The following CNTN5 variants were observed in gnomAD, a reference collection of about 807,000 sequenced individuals.
CNTN5 encodes the protein contactin 5, also known as contactin-5.
Under a neutral mutation model 129.1 loss-of-function variants are expected in CNTN5, and 77 were observed. That is an observed-to-expected ratio of 0.60 (90% confidence interval 0.50 to 0.72). CNTN5 has a LOEUF of 0.72. CNTN5 is among the 30% of genes least tolerant of loss of function. CNTN5 has a pLI of 0.00. For synonymous variants in CNTN5, 509 were observed against 465.6 expected (o/e 1.09, Z -1.20); for missense variants, 1,478 against 1,328.8 (o/e 1.11, Z -1.75).
intron 6 of CNTN5, among the ~76,000 whole-genome samples, chr11:99,862,879 C>G (rs952370876): frequency 6.6e-6 from 1 of 151,968 alleles, no homozygotes; most frequent in East Asian, 1.9e-4. Flanking sequence ...AGGCATGTAA[C>G]CTTCATTAAT....
chr11:99,081,594 A>G (rs1326729790), intron 1 of CNTN5, among the ~76,000 whole-genome samples: 1 of 152,172 alleles, frequency 6.6e-6, no homozygotes, highest in African/African-American at 2.4e-5. Flanking sequence ...TTCTAACACC[A>G]ACAAATTGAA....
rs1340715868 is a variant in CNTN5 at position 99,970,187 on chromosome 11, A to G, written c.877+13178A>G. Among the ~76,000 whole-genome samples the G allele has an allele frequency of 7.2e-5, 11 of 152,140 alleles. No homozygotes were observed. In the East Asian group the frequency reaches 2.1e-3, roughly 29 times the overall value. On this transcript the variant is annotated intron_variant, in intron 8 of 24. Transcript: ENST00000524871. ...CAACACTCCTTTACCTGACACCCATATCAGTGGCTTTGAACTCCTTCTTTC... is the reference window on the plus strand; with the variant it reads ...CAACACTCCTTTACCTGACACCCATGTCAGTGGCTTTGAACTCCTTCTTTC...
At chr11:99,597,480 G>T (rs974707830) in intron 3 of CNTN5, among the ~76,000 whole-genome samples, 1 of 149,186 alleles carries the variant, frequency 6.7e-6, no homozygotes, top group Non-Finnish European at 1.5e-5. Flanking sequence ...AGGGGAGCTT[G>T]GAAGGAGTGG....
chr11:99,834,057 A>C (rs1384213816), intron 4 of CNTN5, among the ~76,000 whole-genome samples: 1 of 152,194 alleles, frequency 6.6e-6, no homozygotes, highest in Admixed American at 6.6e-5. Context: ...AAATAATCTG[A>C]CTGGATATTT....
intron 1 of CNTN5, among the ~76,000 whole-genome samples, chr11:99,110,755 A>T (rs2155563): frequency 0.47 from 71,302 of 151,936 alleles, 16,883 homozygotes; most frequent in East Asian, 0.61. Flanking sequence ...ATAAATGTTA[A>T]TATCTCTATG....
chr11:100,343,033 C>A (rs1270628241), intron 23 of CNTN5, among the ~76,000 whole-genome samples: 1 of 152,010 alleles, frequency 6.6e-6, no homozygotes, highest in Non-Finnish European at 1.5e-5. Flanking sequence ...ATAAAATGTT[C>A]TCATTAAAAA....
intron 13 of CNTN5, among the ~76,000 whole-genome samples, chr11:100,115,380 A>G (rs1206061406): frequency 6.6e-6 from 1 of 152,124 alleles, no homozygotes; most frequent in Non-Finnish European, 1.5e-5. Flanking sequence ...TTGAGTGACT[A>G]TTATGCAAGG....
intron 2 of CNTN5, among the ~76,000 whole-genome samples, chr11:99,341,989 AG>A (rs745791392): frequency 1.3e-5 from 2 of 152,212 alleles, no homozygotes; most frequent in Non-Finnish European, 2.9e-5. Context: ...TAATAATAAA[AG>A]TTATGATTTA....
intron 6 of CNTN5, among the ~76,000 whole-genome samples, chr11:99,859,483 A>G (rs1948141581): frequency 6.6e-6 from 1 of 152,150 alleles, no homozygotes. Context: ...GGAACCCAGT[A>G]GTTAGTTTCT....
intron 1 of CNTN5, among the ~76,000 whole-genome samples, chr11:99,105,575 T>G (rs1866957005): frequency 6.6e-6 from 1 of 152,038 alleles, no homozygotes; most frequent in African/African-American, 2.4e-5. Context: ...AGCTTGTGAG[T>G]TCTTTTATTT....
intron 2 of CNTN5, among the ~76,000 whole-genome samples, chr11:99,452,882 A>G (rs1415783462): frequency 6.6e-6 from 1 of 152,220 alleles, no homozygotes; most frequent in Non-Finnish European, 1.5e-5. Context: ...AGAAAAGTCC[A>G]TATATTTTCT....
chr11:99,525,470 A>G (rs187676134), intron 2 of CNTN5, among the ~76,000 whole-genome samples: 12 of 152,352 alleles, frequency 7.9e-5, no homozygotes, highest in Admixed American at 4.6e-4. Flanking sequence ...CGATATGTCA[A>G]AAACATTGTC....
intron 6 of CNTN5, among the ~76,000 whole-genome samples, chr11:99,902,392 CT>C (rs1949382805): frequency 6.6e-6 from 1 of 152,076 alleles, no homozygotes; most frequent in Non-Finnish European, 1.5e-5. Flanking sequence ...CTAAGTGACC[CT>C]TTCTAGAAAA....
intron 21 of CNTN5, among the ~76,000 whole-genome samples, chr11:100,322,677 G>C (rs1458865218): frequency 6.6e-6 from 1 of 152,072 alleles, no homozygotes; most frequent in Non-Finnish European, 1.5e-5. Flanking sequence ...ACCATATTGA[G>C]TCTCCTAATT....
intron 6 of CNTN5, among the ~76,000 whole-genome samples, chr11:99,845,619 G>T (rs1189131438): frequency 2.0e-5 from 3 of 151,820 alleles, no homozygotes; most frequent in Non-Finnish European, 2.9e-5. Context: ...TGATCCGCCC[G>T]CCTCGGCCTC....
chr11:99,987,535 A>ATATG (rs1555172454), intron 8 of CNTN5, among the ~76,000 whole-genome samples: 1 of 150,082 alleles, frequency 6.7e-6, no homozygotes, highest in Non-Finnish European at 1.5e-5. Context: ...ATATATATAT[A>ATATG]TATATATACA....
At chr11:100,001,994 A>C in intron 8 of CNTN5, 40 bp from the exon 9 acceptor site, 1 of 1,327,382 alleles carries the variant, frequency 7.5e-7, no homozygotes, top group Non-Finnish European at 1.0e-6. Context: ...ACAAATTGTA[A>C]CATTCATTTG....
At chr11:100,125,808 C>T (rs1041398554) in intron 13 of CNTN5, among the ~76,000 whole-genome samples, 3 of 151,974 alleles carry the variant, frequency 2.0e-5, no homozygotes, top group African/African-American at 7.2e-5. Context: ...ATATTTCCTT[C>T]TTTTCTGCCG....
chr11:100,133,051 T>C (rs1946423017), intron 13 of CNTN5, among the ~76,000 whole-genome samples: 1 of 152,144 alleles, frequency 6.6e-6, no homozygotes, highest in Non-Finnish European at 1.5e-5. Context: ...TTTAATGATA[T>C]TACAAAATGG....
Sources: allele counts gnomAD v4.1 joint callset (sites outside exome capture counted in the v4.1 genomes callset), GRCh38; gene constraint gnomAD v4.1.1; transcripts MANE v1.5; gene names NCBI Gene and HGNC (gene_info 2026-07-23, HGNC 2026-07-21).